PDZD8: variants seen among roughly 807,000 people sequenced by gnomAD.
The protein encoded by PDZD8 is PDZ domain containing 8, also known as PDZ domain-containing protein 8.
PDZD8 carries 14 observed loss-of-function variants against 85.8 expected under a neutral mutation model. The observed-to-expected ratio is 0.16, with a 90% CI of 0.11 to 0.26. The LOEUF (loss-of-function observed/expected upper bound fraction) is 0.26. Ranked by LOEUF, PDZD8 falls within the 10% of genes least tolerant of loss-of-function variation. The pLI is 1.00. For missense variants in PDZD8, 1,197 were observed against 1,424.3 expected (o/e 0.84, Z 2.57); for synonymous variants, 592 against 568.6 (o/e 1.04, Z -0.59).
chr10:117,288,332 T>A (rs1471283255), intron 4 of PDZD8, among the ~76,000 whole-genome samples: 1 of 149,590 alleles, frequency 6.7e-6, no homozygotes, highest in Non-Finnish European at 1.5e-5. Context: ...ATGCATAGTT[T>A]AGAAATTTTT....
chr10:117,303,498 T>G (rs897991551), intron 3 of PDZD8, among the ~76,000 whole-genome samples: 2 of 152,104 alleles, frequency 1.3e-5, no homozygotes, highest in African/African-American at 4.8e-5. Context: ...GAAAAATCCA[T>G]TTTGTGGGGA....
At chr10:117,317,293 T>C (rs1009416738) in intron 3 of PDZD8, among the ~76,000 whole-genome samples, 1 of 152,216 alleles carries the variant, frequency 6.6e-6, no homozygotes, top group Non-Finnish European at 1.5e-5. Context: ...TTCTATTTTC[T>C]ACCCATATTT....
chr10:117,290,864 CTTTTTTTTTT>C (rs145614241), intron 3 of PDZD8, among the ~76,000 whole-genome samples: 7 of 123,566 alleles, frequency 5.7e-5, no homozygotes, highest in African/African-American at 2.3e-4. Flanking sequence ...ATGGTGTATC[CTTTTTTTTTT>C]TTTTTTTTTT....
intron 1 of PDZD8, among the ~76,000 whole-genome samples, chr10:117,355,350 C>T (rs1844876004): frequency 6.6e-6 from 1 of 152,166 alleles, no homozygotes; most frequent in Non-Finnish European, 1.5e-5. Flanking sequence ...GTTCTAAAAA[C>T]ACTTTATATA....
intron 4 of PDZD8, 72 bp downstream of exon 4, chr10:117,290,099 TAAGGAAAAAGGAAGA>T: frequency 8.4e-7 from 1 of 1,191,468 alleles, no homozygotes; most frequent in South Asian, 2.0e-5. Context: ...ATTATAGAAA[TAAGGAAAAAGGAAGA>T]AAGGAAAAAC....
chr10:117,286,424 C>T (rs1185455676), intron 4 of PDZD8, among the ~76,000 whole-genome samples: 2 of 152,186 alleles, frequency 1.3e-5, no homozygotes, highest in African/African-American at 2.4e-5. Context: ...TCTTTGTTTT[C>T]CAAAGATCTT....
In PDZD8 at chr10:117,283,818, G is replaced by A. The variant is rs1383732486; in HGVS notation, c.2915C>T (p.Pro972Leu). ...ACTGCCTTCGTTGTCTGACGTGTTG[G>A]GTGTGTGTTTTGGTGAAGGTTCTAC... ...DLVEPSPKHT[P>L]NTSDNEGSDT... Residue 972 changes from proline to leucine, a missense_variant, in exon 5 of 5, where the codon CCC becomes CTC. Pro to Leu is a moderately conservative substitution (Grantham distance 98, BLOSUM62 -3). This residue lies in a region of PDZD8 where 418 missense variants were observed against 571.1 expected (regional missense o/e 0.73). Coordinates refer to ENST00000334464, the MANE Select transcript of PDZD8 (RefSeq NM_173791.5). 1 of 1,614,154 alleles carries A rather than the reference G, an allele frequency of 6.2e-7. No homozygotes were observed. The highest frequency in any genetic ancestry group is 1.7e-5 in the Admixed American group (1 of 60,026).
rs538426220 is a variant in PDZD8 at position 117,323,178 on chromosome 10, G to T, written c.996-4204C>A. On this transcript the variant is annotated intron_variant, in intron 2 of 4. Coordinates refer to ENST00000334464, the MANE Select transcript of PDZD8 (RefSeq NM_173791.5). ...TCTAAGAAATGTACTTGAATCCCAA[G>T]CCTCCCAATTAATTGGTAGAGAGAA... 2.6e-5 allele frequency among the ~76,000 whole-genome samples: 4 copies of T among 152,260 alleles called. No homozygotes were observed. The South Asian group carries it at 8.3e-4, about 32-fold the overall frequency.
At chr10:117,349,223 G>A (rs1287870994) in intron 1 of PDZD8, among the ~76,000 whole-genome samples, 1 of 152,104 alleles carries the variant, frequency 6.6e-6, no homozygotes, top group Non-Finnish European at 1.5e-5. Flanking sequence ...GGCAGGTGAT[G>A]AAAGCTCCAG....
At chr10:117,303,607 T>G (rs1270334613) in intron 3 of PDZD8, among the ~76,000 whole-genome samples, 1 of 152,214 alleles carries the variant, frequency 6.6e-6, no homozygotes, top group Non-Finnish European at 1.5e-5. Flanking sequence ...TATAGAGACC[T>G]TCAAGGCAGC....
At chr10:117,338,819 G>A (rs1280884219) in intron 2 of PDZD8, among the ~76,000 whole-genome samples, 2 of 152,138 alleles carry the variant, frequency 1.3e-5, no homozygotes, top group Admixed American at 1.3e-4. Flanking sequence ...AAGGCTTTAA[G>A]TGAGCAGTAC....
At chr10:117,361,083 C>A (rs1017413706) in intron 1 of PDZD8, among the ~76,000 whole-genome samples, 2 of 151,998 alleles carry the variant, frequency 1.3e-5, no homozygotes, top group African/African-American at 4.8e-5. Flanking sequence ...AAAATTTCAC[C>A]ATATATTTGC....
intron 2 of PDZD8, among the ~76,000 whole-genome samples, chr10:117,339,344 T>C (rs1421196219): frequency 6.6e-6 from 1 of 152,130 alleles, no homozygotes; most frequent in African/African-American, 2.4e-5. Flanking sequence ...AGTATACTTG[T>C]ACTTGGAATG....
At chr10:117,344,007 A>G (rs1056516689) in intron 1 of PDZD8, among the ~76,000 whole-genome samples, 1 of 152,174 alleles carries the variant, frequency 6.6e-6, no homozygotes, top group Non-Finnish European at 1.5e-5. Flanking sequence ...TTTCTTCAAA[A>G]TCCATTAGTC....
intron 1 of PDZD8, among the ~76,000 whole-genome samples, chr10:117,347,298 C>T (rs1461318123): frequency 2.0e-5 from 3 of 152,154 alleles, no homozygotes; most frequent in East Asian, 1.9e-4. Context: ...TAAATAAGAA[C>T]GCTGGTCTCC....
chr10:117,332,806 C>T (rs1477534936), intron 2 of PDZD8, among the ~76,000 whole-genome samples: 1 of 150,522 alleles, frequency 6.6e-6, no homozygotes, highest in Admixed American at 6.6e-5. Context: ...CACGCCTGGC[C>T]TCTGTAAAGT....
chr10:117,309,695 C>T (rs1844002687), intron 3 of PDZD8, among the ~76,000 whole-genome samples: 1 of 152,132 alleles, frequency 6.6e-6, no homozygotes, highest in South Asian at 2.1e-4. Context: ...TCAAATCATC[C>T]TTGATTTTAT....
chr10:117,297,124 GAT>G (rs1339748043), intron 3 of PDZD8, among the ~76,000 whole-genome samples: 1 of 152,044 alleles, frequency 6.6e-6, no homozygotes, highest in Admixed American at 6.6e-5. Context: ...GATTTGAACA[GAT>G]ACTTCACAAA....
At chr10:117,308,423 C>T (rs147204959) in intron 3 of PDZD8, among the ~76,000 whole-genome samples, 1 of 151,860 alleles carries the variant, frequency 6.6e-6, no homozygotes, top group African/African-American at 2.4e-5. Context: ...TGAGGACACA[C>T]AAAATATATG....
Sources: allele counts gnomAD v4.1 joint callset (sites outside exome capture counted in the v4.1 genomes callset), GRCh38; gene constraint gnomAD v4.1.1; regional missense constraint gnomAD v4.1.1; transcripts MANE v1.5; gene names NCBI Gene and HGNC (gene_info 2026-07-23, HGNC 2026-07-21).